The following TUSC3 variants were observed in gnomAD, a reference collection of about 807,000 sequenced individuals.
TUSC3 encodes tumor suppressor candidate 3, also known as dolichyl-diphosphooligosaccharide--protein glycosyltransferase subunit TUSC3.
Under a neutral mutation model 44.8 loss-of-function variants are expected in TUSC3, and 45 were observed. That is an observed-to-expected ratio of 1.00 (90% CI 0.79 to 1.29). The LOEUF is 1.29. Among genes scored for constraint, TUSC3 ranks in the 50% most tolerant of loss-of-function variants. TUSC3 has a pLI of 0.00. For synonymous variants in TUSC3, 212 were observed against 152.9 expected, an observed-to-expected ratio of 1.39 and a Z score of -2.85; for missense variants, 519 against 437.9, an observed-to-expected ratio of 1.19 and a Z score of -1.65.
intron 2 of TUSC3, among the ~76,000 whole-genome samples, chr8:15,517,356 C>G (rs561735733): frequency 6.6e-6 from 1 of 152,014 alleles, no homozygotes; most frequent in Admixed American, 6.6e-5. Flanking sequence ...GAATTACACC[C>G]CGATCTTTGC....
intron 2 of TUSC3, among the ~76,000 whole-genome samples, chr8:15,634,324 C>T (rs118189536): frequency 1.3e-5 from 2 of 152,214 alleles, no homozygotes; most frequent in Non-Finnish European, 2.9e-5. Context: ...TTGATGAATA[C>T]ATTGTGTCCA....
At chr8:15,666,435 T>G (rs910270012) in intron 5 of TUSC3, among the ~76,000 whole-genome samples, 1 of 151,470 alleles carries the variant, frequency 6.6e-6, no homozygotes, top group African/African-American at 2.4e-5. Context: ...CCCAAATAAA[T>G]TATGTCATTT....
intron 2 of TUSC3, among the ~76,000 whole-genome samples, chr8:15,529,234 T>G (rs1464109511): frequency 1.3e-5 from 2 of 152,208 alleles, no homozygotes; most frequent in Non-Finnish European, 2.9e-5. Context: ...TACTAAGCAA[T>G]TCCCTAATAC....
the TUSC3 span, among the ~76,000 whole-genome samples, chr8:15,772,904 C>T: frequency 1.4e-5 from 2 of 144,776 alleles, no homozygotes; most frequent in South Asian, 2.2e-4. Context: ...GGAAAGCTTA[C>T]ATAATGATGT....
intron 2 of TUSC3, among the ~76,000 whole-genome samples, chr8:15,641,233 C>G (rs961036479): frequency 6.6e-6 from 1 of 152,002 alleles, no homozygotes; most frequent in Admixed American, 6.6e-5. Context: ...CGGTGGCACT[C>G]GCCTGTAGTC....
At chr8:15,543,364 A>T (rs917341781) in intron 1 of TUSC3, among the ~76,000 whole-genome samples, 6 of 152,196 alleles carry the variant, frequency 3.9e-5, no homozygotes, top group African/African-American at 1.4e-4. Context: ...ACATTAGTTG[A>T]TTTAAAGGAA....
At chr8:15,456,396 A>T (rs190401142) in intron 1 of TUSC3, among the ~76,000 whole-genome samples, 1 of 152,334 alleles carries the variant, frequency 6.6e-6, no homozygotes, top group East Asian at 1.9e-4. Flanking sequence ...CAAATTAAAT[A>T]GAAAAAATAA....
At chr8:15,758,417 G>A (rs1320663916) in intron 10 of TUSC3, 2 of 322,838 alleles carry the variant, frequency 6.2e-6, no homozygotes, top group African/African-American at 2.3e-5. Context: ...AATTTTATAT[G>A]TATGTAAAAT....
At chr8:15,439,024 G>C (rs983278315) in intron 1 of TUSC3, among the ~76,000 whole-genome samples, 12 of 152,150 alleles carry the variant, frequency 7.9e-5, no homozygotes, top group African/African-American at 2.4e-4. Context: ...TGACCGGAAG[G>C]AGCAAGGATT....
chr8:15,799,968 A>G, the TUSC3 span, among the ~76,000 whole-genome samples: 18 of 152,312 alleles, frequency 1.2e-4, no homozygotes, highest in African/African-American at 4.1e-4. Flanking sequence ...GCCCCTGCAC[A>G]TTCAGTAGGT....
chr8:15,624,878 A>G (rs956986538), intron 2 of TUSC3, among the ~76,000 whole-genome samples: 2 of 152,078 alleles, frequency 1.3e-5, no homozygotes, highest in South Asian at 2.1e-4. Context: ...CCTAGATCCC[A>G]AAGATCTTCT....
chr8:15,632,855 C>T (rs1191020568), intron 2 of TUSC3, among the ~76,000 whole-genome samples: 1 of 152,186 alleles, frequency 6.6e-6, no homozygotes, highest in Admixed American at 6.5e-5. Flanking sequence ...TGGGAACCAA[C>T]TCCTATATCA....
At chr8:15,537,712 A>T (rs1022504036), upstream of TUSC3, among the ~76,000 whole-genome samples, 1 of 152,212 alleles carries the variant, frequency 6.6e-6, no homozygotes, top group Non-Finnish European at 1.5e-5. Context: ...GGGAAAATGG[A>T]AGACAGCTTT....
At chr8:15,425,442 A>G (rs1799791671) in intron 1 of TUSC3, among the ~76,000 whole-genome samples, 1 of 152,206 alleles carries the variant, frequency 6.6e-6, no homozygotes. Context: ...TTAAGGGAAG[A>G]CTTCTGGACC....
rs533331213 is a variant in TUSC3 at position 15,649,313 on chromosome 8, G to C, written c.309-1384G>C. Among the ~76,000 whole-genome samples, 68 of 152,140 alleles carry C rather than the reference G, an allele frequency of 4.5e-4. No homozygotes were observed. In the East Asian group the frequency reaches 0.012, roughly 27 times the overall value. On this transcript the variant is annotated intron_variant, in intron 2 of 10. Transcript: ENST00000503731. Reference sequence around the variant, plus strand: ...AGTATTAAGAAGTTTAGCCGGGCGCGGTGGCTCACGCCTGTAATCCCAGCA... The same window carrying C: ...AGTATTAAGAAGTTTAGCCGGGCGCCGTGGCTCACGCCTGTAATCCCAGCA...
At chr8:15,675,927 T>A (rs1181587008) in intron 6 of TUSC3, among the ~76,000 whole-genome samples, 1 of 152,122 alleles carries the variant, frequency 6.6e-6, no homozygotes, top group African/African-American at 2.4e-5. Flanking sequence ...TGTAGAACAA[T>A]TTATTTTCCT....
the TUSC3 span, among the ~76,000 whole-genome samples, chr8:15,774,449 A>C: frequency 6.6e-6 from 1 of 152,174 alleles, no homozygotes; most frequent in Non-Finnish European, 1.5e-5. Flanking sequence ...GATTCGCCTG[A>C]CTACAAGCCA....
chr8:15,671,526 C>T (rs115401990), intron 5 of TUSC3, among the ~76,000 whole-genome samples: 4,398 of 151,998 alleles, frequency 0.029, 195 homozygotes, highest in African/African-American at 0.098. Context: ...AAAGTGCCAG[C>T]GCTATGTGAG....
chr8:15,493,985 C>G (rs1464499335), intron 2 of TUSC3, among the ~76,000 whole-genome samples: 1 of 152,162 alleles, frequency 6.6e-6, no homozygotes, highest in East Asian at 1.9e-4. Context: ...ACAAGGCCAG[C>G]TGGTATTTAC....
Sources: gnomAD v4.1 joint callset for allele counts (sites outside exome capture counted in the v4.1 genomes callset) on GRCh38, gnomAD v4.1.1 for gene constraint, MANE v1.5 for transcripts, NCBI Gene and HGNC (gene_info 2026-07-23, HGNC 2026-07-21) for gene names.